The following FSTL5 variants were observed in gnomAD, a reference collection of about 807,000 sequenced individuals.
The protein encoded by FSTL5 is follistatin-related protein 5.
FSTL5 carries 62 observed loss-of-function variants against 89.1 expected under a neutral mutation model. The ratio of observed to expected loss-of-function variants is 0.70; its 90% CI spans 0.57 to 0.86. The LOEUF (loss-of-function observed/expected upper bound fraction) is 0.86. Among genes scored for constraint, FSTL5 ranks in the 40% least tolerant of loss-of-function variants. FSTL5 has a pLI of 0.00. For synonymous variants in FSTL5, 383 were observed against 346.2 expected (o/e 1.11, Z -1.18); for missense variants, 1,057 against 1,001.6 (o/e 1.06, Z -0.75).
Position 161,385,752 on chromosome 4 carries a change from C to T in FSTL5, c.2539G>A (p.Ala847Thr). The T allele has an allele frequency of 1.3e-6, 2 of 1,577,916 alleles. No homozygotes were observed. Among genetic ancestry groups the T allele is most frequent in the Non-Finnish European group, 1.7e-6 (2 of 1,162,118 alleles). The change falls in exon 16 of 16, where the codon GCC becomes ACC. Residue 847 changes from alanine (A) to threonine (T), a missense_variant. Physicochemically the swap from Ala to Thr is moderately conservative, Grantham distance 58 (BLOSUM62 0). Coordinates refer to ENST00000306100, the MANE Select transcript of FSTL5 (RefSeq NM_020116.5). Reference sequence around the variant, plus strand: ...ATAATTGTATCGTAGGGTTTTTAGGCATCTCCAACCCAAATGACTGTATTT... The same window carrying T: ...ATAATTGTATCGTAGGGTTTTTAGGTATCTCCAACCCAAATGACTGTATTT... ...KGNTVIWVGD[A>T]
At chr4:161,800,546 C>T (rs568287787) in intron 4 of FSTL5, among the ~76,000 whole-genome samples, 1 of 151,704 alleles carries the variant, frequency 6.6e-6, no homozygotes, top group South Asian at 2.1e-4. Context: ...CAAAGACCTC[C>T]TTTTGTTCTC....
chr4:162,039,741 G>T (rs1322467258), intron 2 of FSTL5, among the ~76,000 whole-genome samples: 1 of 151,792 alleles, frequency 6.6e-6, no homozygotes, highest in Non-Finnish European at 1.5e-5. Flanking sequence ...CTGGTATATC[G>T]AATAAAGCCC....
chr4:162,035,899 T>C (rs1405288414), intron 2 of FSTL5, among the ~76,000 whole-genome samples: 1 of 152,114 alleles, frequency 6.6e-6, no homozygotes, highest in Non-Finnish European at 1.5e-5. Context: ...CCAACAAAGA[T>C]GACTCCAAGG....
At chr4:161,849,069 A>G (rs2126878919) in intron 4 of FSTL5, among the ~76,000 whole-genome samples, 1 of 152,278 alleles carries the variant, frequency 6.6e-6, no homozygotes, top group South Asian at 2.1e-4. Context: ...CCAATCATTT[A>G]CTTTACTGAA....
intron 4 of FSTL5, among the ~76,000 whole-genome samples, chr4:161,834,391 C>A (rs1402630842): frequency 6.6e-6 from 1 of 152,114 alleles, no homozygotes; most frequent in Non-Finnish European, 1.5e-5. Context: ...AAAACTGGCA[C>A]AAGACAGGGA....
intron 12 of FSTL5, among the ~76,000 whole-genome samples, chr4:161,486,093 G>A (rs1398988606): frequency 1.4e-5 from 2 of 144,952 alleles, no homozygotes; most frequent in Non-Finnish European, 3.0e-5. Flanking sequence ...GCAGTGAGCC[G>A]AGATCGCAGC....
intron 2 of FSTL5, among the ~76,000 whole-genome samples, chr4:162,095,922 T>G (rs75553831): frequency 6.6e-6 from 1 of 151,958 alleles, no homozygotes. Flanking sequence ...ATATCTTTAA[T>G]GTGTGAAATC....
intron 2 of FSTL5, among the ~76,000 whole-genome samples, chr4:162,048,392 T>C (rs1277856821): frequency 2.0e-5 from 3 of 151,838 alleles, no homozygotes; most frequent in African/African-American, 7.3e-5. Flanking sequence ...TACAATCTGC[T>C]CTCAGGACTA....
rs143798115 is a variant in FSTL5, at chr4:161,563,674, A to G, written c.1016-20981T>C. Among the ~76,000 whole-genome samples the G allele has an allele frequency of 6.5e-3, 992 of 152,100 alleles. 15 individuals are homozygous for G. Among genetic ancestry groups the G allele is most frequent in the African/African-American group, 0.022 (934 of 41,526 alleles). On this transcript the variant is annotated intron_variant, in intron 8 of 15. Transcript: ENST00000306100. ...AATCACCCCGTAGCAGTCAATGGAT[A>G]TTACCACTGCTCTCTACTGCTATCT...
intron 5 of FSTL5, among the ~76,000 whole-genome samples, chr4:161,762,103 C>T (rs1740830063): frequency 6.6e-6 from 1 of 152,098 alleles, no homozygotes; most frequent in Non-Finnish European, 1.5e-5. Context: ...GTTTACAGGA[C>T]ATTTCAATCA....
At chr4:161,633,983 CT>C (rs1329924588) in intron 7 of FSTL5, among the ~76,000 whole-genome samples, 3 of 152,136 alleles carry the variant, frequency 2.0e-5, no homozygotes. Flanking sequence ...TTGGAGTTAC[CT>C]TTCTATAGAA....
chr4:162,075,347 C>G (rs114092810), intron 2 of FSTL5, among the ~76,000 whole-genome samples: 5,597 of 151,922 alleles, frequency 0.037, 164 homozygotes, highest in East Asian at 0.11. Flanking sequence ...GTCACTGAGA[C>G]AGAGGCCATC....
At chr4:161,448,750 C>T (rs1263666738) in intron 15 of FSTL5, among the ~76,000 whole-genome samples, 1 of 152,054 alleles carries the variant, frequency 6.6e-6, no homozygotes. Flanking sequence ...AATCCTTAGC[C>T]CCTTACTACC....
intron 7 of FSTL5, among the ~76,000 whole-genome samples, chr4:161,610,172 A>C (rs1734586642): frequency 6.6e-6 from 1 of 152,006 alleles, no homozygotes; most frequent in Admixed American, 6.6e-5. Flanking sequence ...AAAAAAAAGG[A>C]TAACAATATG....
chr4:161,838,122 C>G (rs952803446), intron 4 of FSTL5, among the ~76,000 whole-genome samples: 1 of 151,770 alleles, frequency 6.6e-6, no homozygotes. Context: ...ATTACTGAAG[C>G]AAAAAATCAA....
rs1325959422 is a variant in FSTL5 at position 161,870,892 on chromosome 4, A to G, written c.409+49512T>C. Among the ~76,000 whole-genome samples the G allele has an allele frequency of 2.0e-5, 3 of 152,262 alleles. No individual in the cohort carries two copies. In the East Asian group the frequency reaches 5.8e-4, roughly 29 times the overall value. ...AATGAAAACAAACCCAAAAGGAATG[A>G]CAGGTAGGGAAGAGAATAAAGCTTG... On this transcript the variant is annotated intron_variant, in intron 4 of 15. Transcript: ENST00000306100.
chr4:162,029,229 G>A (rs1737423569), intron 3 of FSTL5, among the ~76,000 whole-genome samples: 1 of 151,538 alleles, frequency 6.6e-6, no homozygotes, highest in Non-Finnish European at 1.5e-5. Context: ...TACATTTATT[G>A]TCCCAAATAC....
intron 1 of FSTL5, among the ~76,000 whole-genome samples, chr4:162,116,819 A>C (rs1013374762): frequency 2.0e-5 from 3 of 152,196 alleles, no homozygotes; most frequent in African/African-American, 7.2e-5. Context: ...TCCATAATGG[A>C]AAACTCCTCA....
At chr4:161,759,577 A>T in intron 5 of FSTL5, 46 bp from the exon 6 acceptor site, 1 of 1,180,824 alleles carries the variant, frequency 8.5e-7, no homozygotes, top group Non-Finnish European at 1.2e-6. Context: ...GTGTCTTAAA[A>T]TTTCTATAAT....
Sources: allele counts gnomAD v4.1 joint callset (sites outside exome capture counted in the v4.1 genomes callset), GRCh38; gene constraint gnomAD v4.1.1; transcripts MANE v1.5; gene names NCBI Gene and HGNC (gene_info 2026-07-23, HGNC 2026-07-21).